CDH4: variants seen among roughly 807,000 people sequenced by gnomAD.
CDH4 encodes the protein cadherin-4.
In CDH4, 33 loss-of-function variants were observed where a neutral mutation model predicts 86.0. That is an observed-to-expected ratio of 0.38 (90% CI 0.29 to 0.51). The LOEUF (loss-of-function observed/expected upper bound fraction) is 0.51, where lower values mean the gene tolerates loss of function less well. CDH4 is among the 20% of genes least tolerant of loss of function. The probability of loss-of-function intolerance (pLI) is 0.86; values close to 1 mark genes in which losing one functional copy is unlikely to be tolerated. For synonymous variants in CDH4, 555 were observed against 549.4 expected, an observed-to-expected ratio of 1.01 and a Z score of -0.14; for missense variants, 1,114 against 1,307.4, an observed-to-expected ratio of 0.85 and a Z score of 2.28.
intron 2 of CDH4, among the ~76,000 whole-genome samples, chr20:61,324,716 C>T (rs967251426): frequency 4.6e-5 from 7 of 152,186 alleles, no homozygotes; most frequent in African/African-American, 1.7e-4. Flanking sequence ...CAACCCAGTA[C>T]ACCAATCCAC....
chr20:61,712,718 G>T (rs899758408), intron 2 of CDH4, among the ~76,000 whole-genome samples: 4 of 152,340 alleles, frequency 2.6e-5, no homozygotes, highest in Non-Finnish European at 5.9e-5. Flanking sequence ...GGCAGCAGGA[G>T]CCGTGGCGAG....
intron 7 of CDH4, among the ~76,000 whole-genome samples, chr20:61,883,599 A>G (rs1461742652): frequency 1.3e-5 from 2 of 152,222 alleles, no homozygotes; most frequent in African/African-American, 2.4e-5. Flanking sequence ...ACTGGAACTT[A>G]TGGCTCAGAA....
intron 6 of CDH4, among the ~76,000 whole-genome samples, chr20:61,856,342 C>T (rs1376857885): frequency 2.0e-5 from 3 of 152,108 alleles, no homozygotes; most frequent in Admixed American, 6.5e-5. Flanking sequence ...AGTACAGGCC[C>T]GGGATCCATG....
intron 3 of CDH4, among the ~76,000 whole-genome samples, chr20:61,753,665 G>T (rs1434911686): frequency 1.3e-5 from 2 of 152,188 alleles, no homozygotes; most frequent in Non-Finnish European, 2.9e-5. Context: ...CTGAAAAGTG[G>T]CAATAGGACC....
chr20:61,337,529 G>C (rs74177958), intron 2 of CDH4, among the ~76,000 whole-genome samples: 2 of 151,964 alleles, frequency 1.3e-5, no homozygotes, highest in Non-Finnish European at 2.9e-5. Context: ...GGGAAGATGA[G>C]GGAAAGCATG....
intron 8 of CDH4, among the ~76,000 whole-genome samples, chr20:61,899,000 TAAAAG>T (rs1428880219): frequency 1.3e-5 from 2 of 152,210 alleles, no homozygotes; most frequent in East Asian, 1.9e-4. Flanking sequence ...CCCCAGCTGT[TAAAAG>T]AAGAGGGAGG....
rs1360457434 is a variant in CDH4 at position 61,703,938 on chromosome 20, G to A, written c.170-39625G>A. On this transcript the variant is annotated intron_variant, in intron 2 of 15. Coordinates refer to ENST00000614565, the MANE Select transcript of CDH4 (RefSeq NM_001794.5). The surrounding 1 kb of genome is among the most constrained non-coding windows in gnomAD (Gnocchi z 4.3). The stretch of plus-strand genomic sequence containing the variant: ...AATAAAATGAAAAGGTTGAGCTGGA[G>A]CAGAGGCAGGGGTGTGGTTGGGATG... 1.3e-5 allele frequency among the ~76,000 whole-genome samples: 2 copies of A among 152,158 alleles called. No homozygotes were observed. The highest frequency in any genetic ancestry group is 4.8e-5 in the African/African-American group (2 of 41,442).
At chr20:61,535,647 G>A (rs916781222) in intron 2 of CDH4, among the ~76,000 whole-genome samples, 2 of 152,202 alleles carry the variant, frequency 1.3e-5, no homozygotes, top group African/African-American at 4.8e-5. Flanking sequence ...CTTCCCGAGG[G>A]CAGCAGCAGA....
In CDH4 at chr20:61,663,227, C is replaced by T. The variant is rs1036967020; in HGVS notation, c.170-80336C>T. Among the ~76,000 whole-genome samples, 4 of 152,336 alleles carry T rather than the reference C, an allele frequency of 2.6e-5. No individual in the cohort carries two copies. The highest frequency in any genetic ancestry group is 9.6e-5 in the African/African-American group (4 of 41,574). ...ATGAGGTAAACGTTCTGTGACAAAG[C>T]CCCTGTCCCAGAGGAGCTTTCATCG... On this transcript the variant is annotated intron_variant, in intron 2 of 15. Transcript: ENST00000614565. This position sits in a 1 kb window ranked among gnomAD's most constrained non-coding sequence, Gnocchi z 5.0.
intron 6 of CDH4, among the ~76,000 whole-genome samples, chr20:61,869,005 C>T (rs1238472578): frequency 6.6e-6 from 1 of 152,188 alleles, no homozygotes; most frequent in Admixed American, 6.5e-5. Flanking sequence ...CACAAAGCCT[C>T]TAGACGTGGC....
chr20:61,643,301 C>T (rs933388198), intron 2 of CDH4, among the ~76,000 whole-genome samples: 15 of 152,322 alleles, frequency 9.8e-5, no homozygotes, highest in East Asian at 5.8e-4. Context: ...TGTTAATCCA[C>T]GAATGGCTCT....
At chr20:61,878,014 A>G (rs572566446) in intron 7 of CDH4, among the ~76,000 whole-genome samples, 3 of 152,008 alleles carry the variant, frequency 2.0e-5, no homozygotes, top group African/African-American at 7.2e-5. Context: ...CAGAGGGAGG[A>G]CTTCGTGGAC....
intron 2 of CDH4, among the ~76,000 whole-genome samples, chr20:61,362,542 G>A (rs1465840986): frequency 4.6e-5 from 7 of 151,840 alleles, no homozygotes; most frequent in Non-Finnish European, 1.0e-4. Flanking sequence ...GCGTAGGGGA[G>A]AGCGGAGACA....
chr20:61,285,081 T>G (rs2427026), intron 2 of CDH4, among the ~76,000 whole-genome samples: 104,012 of 149,462 alleles, frequency 0.7, 37,804 homozygotes, highest in East Asian at 0.92. Context: ...TGTTTTTTTT[T>G]TTTGTTTGTT....
chr20:61,455,143 C>G (rs1402794206), intron 2 of CDH4, among the ~76,000 whole-genome samples: 1 of 151,574 alleles, frequency 6.6e-6, no homozygotes, highest in Admixed American at 6.6e-5. Flanking sequence ...AACCAACATC[C>G]CAGAGTGTTA....
chr20:61,381,731 C>G (rs1568821442), intron 2 of CDH4, among the ~76,000 whole-genome samples: 1 of 152,140 alleles, frequency 6.6e-6, no homozygotes, highest in Non-Finnish European at 1.5e-5. Context: ...GCATAATCTA[C>G]TACCAGAGAA....
intron 2 of CDH4, among the ~76,000 whole-genome samples, chr20:61,700,953 C>T (rs950804740): frequency 2.0e-5 from 3 of 152,336 alleles, no homozygotes; most frequent in African/African-American, 4.8e-5. Flanking sequence ...GTTCCAGGGC[C>T]GCCATAACAG....
intron 4 of CDH4, among the ~76,000 whole-genome samples, chr20:61,783,454 CCTTGGGACAGTT>C (rs1183298549): frequency 9.2e-5 from 14 of 152,222 alleles, no homozygotes; most frequent in African/African-American, 2.7e-4. Flanking sequence ...AATCCCAGTT[CCTTGGGACAGTT>C]CTCGAGGCCC....
At chr20:61,759,349 G>T (rs2088604371) in intron 3 of CDH4, among the ~76,000 whole-genome samples, 2 of 152,334 alleles carry the variant, frequency 1.3e-5, no homozygotes, top group South Asian at 4.1e-4. Flanking sequence ...TTTGTAGCTG[G>T]CAGAAAGATT....
Sources: gnomAD v4.1 joint callset for allele counts (sites outside exome capture counted in the v4.1 genomes callset) on GRCh38, gnomAD v4.1.1 for gene constraint, Gnocchi (gnomAD v3.1) non-coding constraint, MANE v1.5 for transcripts, NCBI Gene and HGNC (gene_info 2026-07-23, HGNC 2026-07-21) for gene names.